The following ZNF507 variants were observed in gnomAD, a reference collection of about 807,000 sequenced individuals.
ZNF507 encodes the protein zinc finger protein 507.
ZNF507 carries 29 observed loss-of-function variants against 80.0 expected under a neutral mutation model. That is an observed-to-expected ratio of 0.36 (90% CI 0.27 to 0.49). The LOEUF (loss-of-function observed/expected upper bound fraction) is 0.49, where lower values mean the gene tolerates loss of function less well. ZNF507 is among the 20% of genes least tolerant of loss of function. The probability of loss-of-function intolerance (pLI) is 0.98; values close to 1 mark genes in which losing one functional copy is unlikely to be tolerated. For missense variants in ZNF507, 1,081 were observed against 1,152.2 expected (o/e 0.94, Z 0.90); for synonymous variants, 462 against 422.5 (o/e 1.09, Z -1.15).
Position 32,352,872 on chromosome 19 carries a change from T to TG in ZNF507, c.46dup (p.Glu16GlyfsTer9). 6.3e-7 allele frequency: 1 copy of TG among 1,598,576 alleles called. No homozygotes were observed. The stretch of plus-strand genomic sequence containing the variant: ...GTGTTGCCATGTTGGTGCCAGATAT[T>TG]GGGGAACAGGAAGCTATACTGACTG... On this transcript the variant is annotated frameshift_variant, in exon 3 of 7. Coordinates refer to ENST00000355898, the MANE Select transcript of ZNF507 (RefSeq NM_001136156.2). LOFTEE classifies it high-confidence loss of function.
intron 5 of ZNF507, among the ~76,000 whole-genome samples, chr19:32,370,051 G>A (rs1347467123): frequency 6.6e-6 from 1 of 152,212 alleles, no homozygotes; most frequent in African/African-American, 2.4e-5. Context: ...GTGGCAAAAG[G>A]CAGGCTCTCC....
intron 5 of ZNF507, among the ~76,000 whole-genome samples, chr19:32,378,733 G>GATCA (rs1967586270): frequency 1.3e-5 from 2 of 151,734 alleles, no homozygotes; most frequent in South Asian, 4.2e-4. Flanking sequence ...TGTTCTATAG[G>GATCA]ATCAATTTGA....
chr19:32,380,491 G>A, intron 5 of ZNF507: 1 of 1,002,868 alleles, frequency 1.0e-6, no homozygotes. Context: ...AAGTTAAATT[G>A]GAGGTGGGTG....
At chr19:32,345,921 A>G (rs1265713701) in intron 1 of ZNF507, 138 bp downstream of exon 1, 4 of 152,756 alleles carry the variant, frequency 2.6e-5, no homozygotes, top group African/African-American at 9.7e-5. Context: ...ACAAGCCCCA[A>G]GTTCCGTGTC....
chr19:32,384,606 A>C lies in ZNF507; in HGVS notation c.*1523A>C, dbSNP rs1967665041. On this transcript the variant is annotated 3_prime_UTR_variant, in exon 7 of 7. Transcript: ENST00000355898. Reference sequence around the variant, plus strand: ...GGATACGCTGTAGGCACGTTTTAAGAAGTATTCTGTTCCTAAAGTCCAGGT... The same window carrying C: ...GGATACGCTGTAGGCACGTTTTAAGCAGTATTCTGTTCCTAAAGTCCAGGT... 6.6e-6 allele frequency: 1 copy of C among 152,168 alleles called. No individual in the cohort carries two copies. The highest frequency in any genetic ancestry group is 1.5e-5 in the Non-Finnish European group (1 of 68,032). The allele number at this position is 152,168 out of a possible 1,614,324, so 9.4% of individuals were successfully genotyped here. A position where few individuals can be genotyped will look rare whatever the true frequency, so the allele number is the denominator to read the frequency against.
intron 5 of ZNF507, among the ~76,000 whole-genome samples, chr19:32,372,829 A>G (rs538416635): frequency 2.6e-5 from 4 of 152,250 alleles, no homozygotes; most frequent in Admixed American, 2.0e-4. Context: ...TCAAATTTCA[A>G]CGTTAGTTTT....
rs1967256530 is a variant in ZNF507 at position 32,356,671 on chromosome 19, T to C, written c.2183T>C (p.Ile728Thr). ...EQHSLPDTLS[I>T]ATSNEPRISS... ...CACAGTCTTCCAGATACCTTGTCAA[T>C]AGCAACTTCTAATGAGCCAAGAATT... Residue 728 changes from isoleucine to threonine, a missense_variant, in exon 4 of 7, where the codon ATA (isoleucine) becomes ACA (threonine). Ile to Thr is a moderately conservative substitution (Grantham distance 89). This residue lies in a region of ZNF507 where 614 missense variants were observed against 583.9 expected (regional missense o/e 1.05). Coordinates refer to ENST00000355898, the MANE Select transcript of ZNF507 (RefSeq NM_001136156.2). The C allele has an allele frequency of 6.2e-7, 1 of 1,614,190 alleles. No individual in the cohort carries two copies. Among genetic ancestry groups the C allele is most frequent in the Non-Finnish European group, 8.5e-7 (1 of 1,180,028 alleles).
intron 2 of ZNF507, among the ~76,000 whole-genome samples, chr19:32,349,339 G>A (rs1967133537): frequency 1.3e-5 from 2 of 152,210 alleles, no homozygotes; most frequent in Admixed American, 6.5e-5. Flanking sequence ...AGCCTAGAGG[G>A]CAAATGGATG....
chr19:32,378,128 C>A (rs1022275369), intron 5 of ZNF507, among the ~76,000 whole-genome samples: 1 of 151,944 alleles, frequency 6.6e-6, no homozygotes, highest in Non-Finnish European at 1.5e-5. Flanking sequence ...GTGAGGCAGG[C>A]GATCACCTGA....
rs373266436 is a variant in ZNF507 at position 32,354,839 on chromosome 19, A to T, written c.2009A>T (p.Gln670Leu). 54 of 1,614,106 alleles carry T rather than the reference A, an allele frequency of 3.3e-5. No individual in the cohort carries two copies. The highest frequency in any genetic ancestry group is 3.3e-4 in the Middle Eastern group (2 of 6,084). The change falls in exon 3 of 7, where the codon CAG (glutamine) becomes CTG (leucine). Residue 670 changes from glutamine (Q) to leucine (L), a missense_variant. Gln to Leu is a moderately radical substitution (Grantham distance 113). Coordinates refer to ENST00000355898, the MANE Select transcript of ZNF507 (RefSeq NM_001136156.2). Reference protein sequence around the residue: ...LRVHRQRQPYQCPICEHIADN... With the variant: ...LRVHRQRQPYLCPICEHIADN... ...GTCCATCGACAGAGACAGCCTTATCAGTGTCCTATCTGCGAGCACATAGCG... is the reference window on the plus strand; with the variant it reads ...GTCCATCGACAGAGACAGCCTTATCTGTGTCCTATCTGCGAGCACATAGCG...
chr19:32,380,129 T>G (rs1967604697), intron 5 of ZNF507, among the ~76,000 whole-genome samples: 1 of 152,210 alleles, frequency 6.6e-6, no homozygotes, highest in African/African-American at 2.4e-5. Flanking sequence ...GTGTGATACA[T>G]TTCCCTGATT....
intron 4 of ZNF507, chr19:32,357,525 G>A (rs1199548998): frequency 2.6e-5 from 4 of 152,170 alleles, no homozygotes; most frequent in Admixed American, 2.6e-4. Flanking sequence ...TTACCATAAT[G>A]TTTCATTAAA....
chr19:32,369,946 G>C (rs902165195), intron 5 of ZNF507, among the ~76,000 whole-genome samples: 2 of 151,582 alleles, frequency 1.3e-5, no homozygotes, highest in African/African-American at 2.4e-5. Flanking sequence ...TTCCTTCTCT[G>C]TGTGTGTGTG....
intron 5 of ZNF507, among the ~76,000 whole-genome samples, chr19:32,374,239 A>G (rs1284365306): frequency 6.6e-6 from 1 of 151,150 alleles, no homozygotes; most frequent in African/African-American, 2.4e-5. Context: ...TGTGTATTTT[A>G]TTTTATTCCA....
At chr19:32,361,876 T>G in intron 5 of ZNF507, among the ~76,000 whole-genome samples, 1 of 137,708 alleles carries the variant, frequency 7.3e-6, no homozygotes, top group Non-Finnish European at 1.6e-5. Context: ...TTCCTTTCCT[T>G]TCCCTCCCCT....
chr19:32,374,807 CTGAT>C (rs1453882555), intron 5 of ZNF507, among the ~76,000 whole-genome samples: 1 of 152,140 alleles, frequency 6.6e-6, no homozygotes, highest in Non-Finnish European at 1.5e-5. Context: ...TTTCTCTTGT[CTGAT>C]TGTCCTAGCT....
At chr19:32,375,856 C>T (rs1439215428) in intron 5 of ZNF507, among the ~76,000 whole-genome samples, 2 of 152,132 alleles carry the variant, frequency 1.3e-5, no homozygotes, top group Admixed American at 1.3e-4. Flanking sequence ...CAAATGGTGA[C>T]TCATAATAAT....
At chr19:32,374,207 C>T (rs1967515065) in intron 5 of ZNF507, among the ~76,000 whole-genome samples, 1 of 152,054 alleles carries the variant, frequency 6.6e-6, no homozygotes, top group African/African-American at 2.4e-5. Context: ...CTCTTTCTCT[C>T]ACTCATTGTT....
Position 32,354,152 on chromosome 19 carries a change from T to G in ZNF507, c.1322T>G (p.Val441Gly). Residue 441 changes from valine to glycine, a missense_variant, in exon 3 of 7, where the codon GTT (valine) becomes GGT (glycine). Val to Gly is a moderately radical substitution (Grantham distance 109). Coordinates refer to ENST00000355898, the MANE Select transcript of ZNF507 (RefSeq NM_001136156.2). ...ATTGGGCGCGAAGGAATGGATGATG[T>G]TTATCGTGCTGATAAATGTACTGTT... ...AQIGREGMDD[V>G]YRADKCTVDI... 1 of 1,613,140 alleles carries G rather than the reference T, an allele frequency of 6.2e-7. No homozygotes were observed. The highest frequency in any genetic ancestry group is 1.3e-5 in the African/African-American group (1 of 75,026).
Sources: allele counts gnomAD v4.1 joint callset (sites outside exome capture counted in the v4.1 genomes callset), GRCh38; gene constraint gnomAD v4.1.1; regional missense constraint gnomAD v4.1.1; transcripts MANE v1.5; gene names NCBI Gene and HGNC (gene_info 2026-07-23, HGNC 2026-07-21).